COBL: variants seen among roughly 807,000 people sequenced by gnomAD.
The protein encoded by COBL is protein cordon-bleu.
Under a neutral mutation model 98.8 loss-of-function variants are expected in COBL, and 51 were observed. The ratio of observed to expected loss-of-function variants is 0.52; its 90% CI spans 0.41 to 0.65. The LOEUF is 0.65. COBL is among the 30% of genes least tolerant of loss of function. The pLI, the probability that COBL is intolerant of heterozygous loss-of-function variation, is 0.00. For synonymous variants in COBL, 634 were observed against 651.7 expected, an observed-to-expected ratio of 0.97 and a Z score of 0.41; for missense variants, 1,617 against 1,617.5, an observed-to-expected ratio of 1.00 and a Z score of 0.01.
chr7:51,259,629 C>G lies in COBL; in HGVS notation c.42-39685G>C. The G allele has an allele frequency of 4.1e-6, 3 of 727,468 alleles. No homozygotes were observed. In the South Asian group the frequency reaches 4.2e-5, roughly 10 times the overall value. 45.1% of individuals were successfully genotyped at this position (727,468 alleles called of 1,614,324 possible). ...AATGAGGTCTTCCAAGCAAATGACA[C>G]CAAAATTCCCCTGGTGCTCCTCATC... On this transcript the variant is annotated intron_variant, in intron 1 of 12. Transcript: ENST00000265136.
intron 7 of COBL, among the ~76,000 whole-genome samples, chr7:51,065,823 G>A (rs1410926225): frequency 6.6e-6 from 1 of 152,266 alleles, no homozygotes; most frequent in African/African-American, 2.4e-5. Context: ...CGATGTTTAA[G>A]TTAAAATGAA....
intron 7 of COBL, among the ~76,000 whole-genome samples, chr7:51,075,792 A>C (rs1303833174): frequency 6.6e-6 from 1 of 152,228 alleles, no homozygotes; most frequent in Admixed American, 6.5e-5. Context: ...AGCTATATAT[A>C]GATCTATTTT....
chr7:51,086,147 G>A (rs189518100), intron 6 of COBL, among the ~76,000 whole-genome samples: 28 of 152,172 alleles, frequency 1.8e-4, no homozygotes, highest in Admixed American at 1.8e-3. Context: ...CACTCTCATT[G>A]ATTAAAATTC....
intron 1 of COBL, among the ~76,000 whole-genome samples, chr7:51,242,198 G>C (rs1281474004): frequency 1.3e-5 from 2 of 152,050 alleles, no homozygotes; most frequent in Non-Finnish European, 2.9e-5. Context: ...CCTCTGATTG[G>C]TCCCCTCCCA....
At chr7:51,277,995 T>A (rs1584386376) in intron 1 of COBL, among the ~76,000 whole-genome samples, 1 of 152,224 alleles carries the variant, frequency 6.6e-6, no homozygotes, top group Non-Finnish European at 1.5e-5. Context: ...TCTCTGTGCC[T>A]GCGTGAAGTA....
intron 6 of COBL, among the ~76,000 whole-genome samples, chr7:51,132,201 C>G (rs2129002290): frequency 6.6e-6 from 1 of 152,368 alleles, no homozygotes; most frequent in South Asian, 2.1e-4. Flanking sequence ...CTCTGCCCAG[C>G]CCTCCCTGCT....
At chr7:51,257,710 G>A (rs1421071427) in intron 1 of COBL, among the ~76,000 whole-genome samples, 1 of 151,848 alleles carries the variant, frequency 6.6e-6, no homozygotes, top group Non-Finnish European at 1.5e-5. Flanking sequence ...TTAAAATTCT[G>A]TTTTCTAAAA....
At chr7:51,211,872 TTCTC>T (rs1039122748) in intron 2 of COBL, among the ~76,000 whole-genome samples, 9 of 152,120 alleles carry the variant, frequency 5.9e-5, no homozygotes, top group African/African-American at 2.2e-4. Flanking sequence ...ATCTCTCTCC[TTCTC>T]TCTCTGCCTC....
chr7:51,020,603 A>G (rs1419708661), intron 12 of COBL, among the ~76,000 whole-genome samples: 1 of 152,250 alleles, frequency 6.6e-6, no homozygotes. Context: ...AGTCAGACGC[A>G]TACAGCTTTG....
chr7:51,017,117 G>A lies in COBL; in HGVS notation c.*434C>T, dbSNP rs1562792446. On this transcript the variant is annotated 3_prime_UTR_variant, in exon 13 of 13. Coordinates refer to ENST00000265136, the MANE Select transcript of COBL (RefSeq NM_015198.5). ...TCAGATTGTTCCATCTGATTCATATGTTTTTTCTAAAATTCAAAAGATCTT... is the reference window on the plus strand; with the variant it reads ...TCAGATTGTTCCATCTGATTCATATATTTTTTCTAAAATTCAAAAGATCTT... 8 of 426,092 alleles carry A rather than the reference G, an allele frequency of 1.9e-5. No homozygotes were observed. The Admixed American group carries it at 2.8e-4, about 15-fold the overall frequency. 26.4% of individuals were successfully genotyped at this position (426,092 alleles called of 1,614,324 possible). A position where few individuals can be genotyped will look rare whatever the true frequency, so the allele number is the denominator to read the frequency against.
chr7:51,316,459 C>G (rs1476015057), intron 1 of COBL, 134 bp downstream of exon 1: 1 of 604,314 alleles, frequency 1.7e-6, no homozygotes, highest in Non-Finnish European at 2.3e-6. Context: ...ACCGCACCAC[C>G]TGCTCCACCA....
At chr7:51,265,060 C>T (rs1377232570) in intron 1 of COBL, among the ~76,000 whole-genome samples, 1 of 152,184 alleles carries the variant, frequency 6.6e-6, no homozygotes, top group African/African-American at 2.4e-5. Flanking sequence ...GGGCATGCAA[C>T]AGCAGCCCGA....
At chr7:51,077,125 A>G (rs1280685044) in intron 7 of COBL, among the ~76,000 whole-genome samples, 1 of 152,242 alleles carries the variant, frequency 6.6e-6, no homozygotes, top group African/African-American at 2.4e-5. Context: ...TTATGATGAA[A>G]AATCCGTATG....
intron 2 of COBL, among the ~76,000 whole-genome samples, chr7:51,208,824 G>A (rs1005660404): frequency 6.6e-5 from 10 of 152,042 alleles, no homozygotes; most frequent in Non-Finnish European, 7.4e-5. Context: ...GATTAAGGGC[G>A]GTGCAAGATG....
intron 6 of COBL, among the ~76,000 whole-genome samples, chr7:51,120,799 G>A (rs1229466200): frequency 1.6e-4 from 25 of 152,154 alleles, no homozygotes; most frequent in Admixed American, 1.6e-3. Context: ...GTACATCCAT[G>A]ATGATGCATG....
At chr7:51,177,532 G>A (rs1386982057) in intron 5 of COBL, among the ~76,000 whole-genome samples, 1 of 152,130 alleles carries the variant, frequency 6.6e-6, no homozygotes, top group Non-Finnish European at 1.5e-5. Context: ...CCAGCACTCT[G>A]GGGGGCTGAG....
chr7:51,105,292 C>T (rs1416393240), intron 6 of COBL, among the ~76,000 whole-genome samples: 1 of 152,216 alleles, frequency 6.6e-6, no homozygotes. Flanking sequence ...GTCAGTACCA[C>T]CCTACAGAAA....
intron 1 of COBL, among the ~76,000 whole-genome samples, chr7:51,264,242 G>A (rs1797971626): frequency 6.6e-6 from 1 of 152,214 alleles, no homozygotes; most frequent in Non-Finnish European, 1.5e-5. Context: ...TGGCAGGGCA[G>A]AAGGGGCTCA....
intron 4 of COBL, chr7:51,187,774 T>G (rs1789687375): frequency 1.8e-6 from 1 of 557,884 alleles, no homozygotes. Flanking sequence ...CAGCCTCGCA[T>G]GCACCTTCAG....
Sources: allele counts gnomAD v4.1 joint callset (sites outside exome capture counted in the v4.1 genomes callset), GRCh38; gene constraint gnomAD v4.1.1; transcripts MANE v1.5; gene names NCBI Gene and HGNC (gene_info 2026-07-23, HGNC 2026-07-21).